The following ZNRF3 variants were observed in gnomAD, a reference collection of about 807,000 sequenced individuals.
The protein encoded by ZNRF3 is E3 ubiquitin-protein ligase ZNRF3.
Under a neutral mutation model 72.5 loss-of-function variants are expected in ZNRF3, and 23 were observed. That is an observed-to-expected ratio of 0.32 (90% CI 0.23 to 0.45). The LOEUF is 0.45. Ranked by LOEUF, ZNRF3 falls within the 20% of genes least tolerant of loss-of-function variation. The pLI, the probability that ZNRF3 is intolerant of heterozygous loss-of-function variation, is 1.00. For synonymous variants in ZNRF3, 610 were observed against 545.3 expected (o/e 1.12, Z -1.65); for missense variants, 1,169 against 1,272.1 (o/e 0.92, Z 1.23).
intron 1 of ZNRF3, among the ~76,000 whole-genome samples, chr22:28,981,618 TAAAC>T (rs1243106978): frequency 6.6e-6 from 1 of 152,226 alleles, no homozygotes. Context: ...TTTTTGAGAA[TAAAC>T]AAAGATTGAA....
chr22:28,947,853 C>CTT (rs34154639), intron 1 of ZNRF3, among the ~76,000 whole-genome samples: 3 of 150,656 alleles, frequency 2.0e-5, no homozygotes, highest in Non-Finnish European at 3.0e-5. Flanking sequence ...ACAAAAATAA[C>CTT]TTTTTTTTTT....
At chr22:29,047,333 T>G (rs1281064841) in intron 6 of ZNRF3, among the ~76,000 whole-genome samples, 1 of 152,236 alleles carries the variant, frequency 6.6e-6, no homozygotes, top group Non-Finnish European at 1.5e-5. Flanking sequence ...TCATCCATGA[T>G]GAACATTTTG....
chr22:28,999,237 G>A (rs996168458), intron 2 of ZNRF3, among the ~76,000 whole-genome samples: 12 of 152,052 alleles, frequency 7.9e-5, no homozygotes, highest in African/African-American at 2.9e-4. Context: ...AGAAGGCTGA[G>A]GCAGGAGAAT....
At chr22:28,949,644 T>C (rs1480711080) in intron 1 of ZNRF3, among the ~76,000 whole-genome samples, 1 of 152,252 alleles carries the variant, frequency 6.6e-6, no homozygotes, top group East Asian at 1.9e-4. Flanking sequence ...CTCATAGTGA[T>C]AGGTACACAT....
chr22:28,995,541 A>C (rs1286387045), intron 2 of ZNRF3, among the ~76,000 whole-genome samples: 1 of 152,216 alleles, frequency 6.6e-6, no homozygotes, highest in Non-Finnish European at 1.5e-5. Flanking sequence ...AAAAGAACTC[A>C]GGAAGAATCC....
At chr22:29,013,215 G>A (rs2036374516) in intron 2 of ZNRF3, among the ~76,000 whole-genome samples, 1 of 152,122 alleles carries the variant, frequency 6.6e-6, no homozygotes, top group African/African-American at 2.4e-5. Context: ...ATCCCAAGAT[G>A]TTTCTTTTTC....
In ZNRF3 at chr22:29,050,209, G is replaced by A; in HGVS notation, c.2028G>A (p.Arg676=). Reference sequence around the variant, plus strand: ...GCAGCAACTCCTCCCTGGAGCACAGGGGGCCCAATAGCTCTACCTCAGAAG... The same window carrying A: ...GCAGCAACTCCTCCCTGGAGCACAGAGGGCCCAATAGCTCTACCTCAGAAG... ...NYSSNSSLEH[R]GPNSSTSEVG... The change falls in exon 8 of 9, where the codon AGG becomes AGA. Residue 676 remains arginine, a synonymous_variant. Coordinates refer to ENST00000544604, the MANE Select transcript of ZNRF3 (RefSeq NM_001206998.2). 3.1e-6 allele frequency: 5 copies of A among 1,600,612 alleles called. No individual in the cohort carries two copies. The highest frequency in any genetic ancestry group is 3.4e-6 in the Non-Finnish European group (4 of 1,179,862).
intron 1 of ZNRF3, among the ~76,000 whole-genome samples, chr22:28,897,769 G>A (rs1209484691): frequency 1.3e-5 from 2 of 152,092 alleles, no homozygotes; most frequent in African/African-American, 2.4e-5. Flanking sequence ...CTTTTTCCTG[G>A]GTTCCACCAG....
intron 1 of ZNRF3, among the ~76,000 whole-genome samples, chr22:28,910,209 G>T (rs1334615553): frequency 1.3e-5 from 2 of 151,836 alleles, no homozygotes; most frequent in Admixed American, 6.6e-5. Flanking sequence ...CTAATTTTTT[G>T]TGTGTGTTTT....
chr22:29,040,249 G>A (rs1180783422), intron 2 of ZNRF3, among the ~76,000 whole-genome samples: 3 of 151,510 alleles, frequency 2.0e-5, no homozygotes, highest in Admixed American at 1.3e-4. Context: ...GTGCGATCTC[G>A]GCTCATTACA....
chr22:28,991,279 CAAAAAAAAAAAAAAAAAAAAAA>C (rs59317059), intron 2 of ZNRF3, among the ~76,000 whole-genome samples: 8 of 51,656 alleles, frequency 1.5e-4, no homozygotes, highest in Non-Finnish European at 2.5e-4. Context: ...GACCCTCTCT[CAAAAAAAAAAAAAAAAAAAAAA>C]AAAAAAAAAA....
At chr22:28,914,475 C>T (rs2034373140) in intron 1 of ZNRF3, among the ~76,000 whole-genome samples, 1 of 141,344 alleles carries the variant, frequency 7.1e-6, no homozygotes, top group East Asian at 2.3e-4. Flanking sequence ...TGTCATATTT[C>T]ATAGACTGTT....
At chr22:29,004,941 CGG>C (rs2036215251) in intron 2 of ZNRF3, among the ~76,000 whole-genome samples, 1 of 152,236 alleles carries the variant, frequency 6.6e-6, no homozygotes, top group Non-Finnish European at 1.5e-5. Context: ...CTTCATTGGC[CGG>C]ATTTTCCTAC....
chr22:28,994,061 A>G (rs5762942), intron 2 of ZNRF3, among the ~76,000 whole-genome samples: 78,130 of 151,780 alleles, frequency 0.51, 20,500 homozygotes, highest in Admixed American at 0.6. Flanking sequence ...GATAATGTAT[A>G]TCAAGTGTTG....
chr22:29,004,248 C>T (rs1377925485), intron 2 of ZNRF3, among the ~76,000 whole-genome samples: 1 of 152,222 alleles, frequency 6.6e-6, no homozygotes, highest in African/African-American at 2.4e-5. Context: ...GAAAATATAC[C>T]ATCAGCAAGT....
Position 28,883,686 on chromosome 22 carries a change from C to T in ZNRF3, c.-81C>T, listed in dbSNP as rs951198650. On this transcript the variant is annotated 5_prime_UTR_variant, in exon 1 of 9. Transcript: ENST00000544604. The surrounding 1 kb of genome is among the most constrained non-coding windows in gnomAD (Gnocchi z 5.5). ...CCGCCGCCGTGATGGGGCTGTGAGG[C>T]GTCCGCCCGCGTTCGGTCCTCAGCC... The T allele has an allele frequency of 4.1e-6, 4 of 977,782 alleles. No individual in the cohort carries two copies. The highest frequency in any genetic ancestry group is 4.9e-6 in the Non-Finnish European group (4 of 823,704). The allele number at this position is 977,782 out of a possible 1,614,324, so 60.6% of individuals were successfully genotyped here. A position where few individuals can be genotyped will look rare whatever the true frequency, so the allele number is the denominator to read the frequency against.
At position 29,049,469 on chromosome 22, in the gene ZNRF3, G is replaced by A. The variant is rs1467180040; in HGVS notation, c.1288G>A (p.Ala430Thr). 1.5e-5 allele frequency: 24 copies of A among 1,604,376 alleles called. No homozygotes were observed. Among genetic ancestry groups the A allele is most frequent in the Middle Eastern group, 1.6e-4 (1 of 6,082 alleles). Residue 430 changes from alanine to threonine, a missense_variant, in exon 8 of 9, where the codon GCT becomes ACT. Coordinates refer to ENST00000544604, the MANE Select transcript of ZNRF3 (RefSeq NM_001206998.2). The surrounding 1 kb of genome is among the most constrained non-coding windows in gnomAD (Gnocchi z 5.2). ...PPLHLDHSLA[A>T]HRCGLEHRAY... Reference sequence around the variant, plus strand: ...CCTCCACCTGGACCACAGCCTGGCCGCTCACCGCTGCGGCCTGGAGCACCG... The same window carrying A: ...CCTCCACCTGGACCACAGCCTGGCCACTCACCGCTGCGGCCTGGAGCACCG...
At chr22:28,987,032 G>A (rs1457807745) in intron 1 of ZNRF3, 44 bp from the exon 2 acceptor site, 2 of 1,588,712 alleles carry the variant, frequency 1.3e-6, no homozygotes, top group African/African-American at 2.7e-5. Flanking sequence ...TCAAGCAAAT[G>A]TGTAGCTTGC....
chr22:29,015,121 T>G (rs2123855421), intron 2 of ZNRF3, among the ~76,000 whole-genome samples: 1 of 152,320 alleles, frequency 6.6e-6, no homozygotes, highest in Admixed American at 6.5e-5. Context: ...CACTCAAGTC[T>G]TACAGAAAGT....
Sources: gnomAD v4.1 joint callset for allele counts (sites outside exome capture counted in the v4.1 genomes callset) on GRCh38, gnomAD v4.1.1 for gene constraint, Gnocchi (gnomAD v3.1) non-coding constraint, MANE v1.5 for transcripts, NCBI Gene and HGNC (gene_info 2026-07-23, HGNC 2026-07-21) for gene names.